The following SLC4A4 variants were observed in gnomAD, a reference collection of about 807,000 sequenced individuals.
SLC4A4 encodes solute carrier family 4 member 4, also known as electrogenic sodium bicarbonate cotransporter 1.
SLC4A4 carries 27 observed loss-of-function variants against 111.5 expected under a neutral mutation model. The observed-to-expected ratio is 0.24, with a 90% CI of 0.18 to 0.33. SLC4A4 has a LOEUF of 0.33. Ranked by LOEUF, SLC4A4 falls within the 10% of genes least tolerant of loss-of-function variation. The pLI is 1.00. For synonymous variants in SLC4A4, 443 were observed against 463.4 expected (o/e 0.96, Z 0.57); for missense variants, 909 against 1,315.5 (o/e 0.69, Z 4.78).
intron 2 of SLC4A4, among the ~76,000 whole-genome samples, chr4:71,175,577 A>T (rs960528970): frequency 4.6e-5 from 7 of 152,234 alleles, no homozygotes; most frequent in African/African-American, 1.7e-4. Context: ...AGCCTCGCTC[A>T]TTGCTAGCAC....
chr4:71,392,864 G>A lies in SLC4A4; in HGVS notation c.731-4713G>A, dbSNP rs544704956. On this transcript the variant is annotated intron_variant, in intron 6 of 25. Coordinates refer to ENST00000264485, the MANE Select transcript of SLC4A4 (RefSeq NM_001098484.3). ...GGGATGCAGGGATGGTTTAACATAT[G>A]TAAGTCAATAAATGTGATACAGCAT... is the stretch of plus-strand genomic sequence containing the variant. Among the ~76,000 whole-genome samples the A allele has an allele frequency of 5.9e-5, 9 of 152,092 alleles. No homozygotes were observed. In the South Asian group the frequency reaches 1.7e-3, roughly 28 times the overall value.
At chr4:71,419,568 G>T (rs1432685976) in intron 7 of SLC4A4, among the ~76,000 whole-genome samples, 1 of 152,220 alleles carries the variant, frequency 6.6e-6, no homozygotes, top group South Asian at 2.1e-4. Flanking sequence ...ATTTGAGTGG[G>T]AGTGACCCGA....
chr4:71,339,100 G>A, intron 3 of SLC4A4: 1 of 1,600,274 alleles, frequency 6.2e-7, no homozygotes, highest in South Asian at 1.1e-5. Flanking sequence ...AGGGCTAAAG[G>A]TTCTTTGTGA....
rs551476437 is a variant in SLC4A4 at position 71,215,947 on chromosome 4, C to T, written c.-1-20629C>T. On this transcript the variant is annotated intron_variant, in intron 1 of 25. Transcript: ENST00000264485. ...TGAGATGGAGTCTTGCTCTGTCGCC[C>T]AGGCTGGAGTGCAGTGGCGTGATCT... Among the ~76,000 whole-genome samples the T allele has an allele frequency of 2.6e-4, 39 of 149,888 alleles. 1 individual carries two copies. Among genetic ancestry groups the T allele is most frequent in the African/African-American group, 7.9e-4 (32 of 40,502 alleles).
At chr4:71,230,075 G>GA (rs33930960) in intron 1 of SLC4A4, among the ~76,000 whole-genome samples, 5 of 151,780 alleles carry the variant, frequency 3.3e-5, no homozygotes, top group East Asian at 1.9e-4. Context: ...TTAGAATCAT[G>GA]AAAAAAAAAT....
chr4:71,174,705 A>G (rs943210977), intron 2 of SLC4A4, among the ~76,000 whole-genome samples: 2 of 152,230 alleles, frequency 1.3e-5, no homozygotes, highest in African/African-American at 4.8e-5. Context: ...ATTTAAAAGT[A>G]AAACAACATT....
chr4:71,527,803 C>T (rs1376688924), intron 16 of SLC4A4, among the ~76,000 whole-genome samples: 1 of 151,596 alleles, frequency 6.6e-6, no homozygotes, highest in Non-Finnish European at 1.5e-5. Flanking sequence ...ATAGATAATT[C>T]TGGAATTTGG....
intron 18 of SLC4A4, among the ~76,000 whole-genome samples, chr4:71,537,477 G>A (rs1734658488): frequency 6.6e-6 from 1 of 150,430 alleles, no homozygotes; most frequent in Non-Finnish European, 1.5e-5. Context: ...AGAGAGAGAA[G>A]CCCAAGACTA....
At chr4:71,156,949 A>C (rs1744494421) in intron 2 of SLC4A4, among the ~76,000 whole-genome samples, 1 of 152,128 alleles carries the variant, frequency 6.6e-6, no homozygotes, top group South Asian at 2.1e-4. Flanking sequence ...AGTTATTCTA[A>C]ATTGAGATTC....
At chr4:71,249,641 C>T (rs1383364334) in intron 2 of SLC4A4, among the ~76,000 whole-genome samples, 1 of 152,142 alleles carries the variant, frequency 6.6e-6, no homozygotes, top group Non-Finnish European at 1.5e-5. Context: ...GTAATCCTAG[C>T]ACTTTGGGAG....
chr4:71,530,022 A>G (rs1733773898), intron 16 of SLC4A4, among the ~76,000 whole-genome samples: 1 of 152,114 alleles, frequency 6.6e-6, no homozygotes, highest in Admixed American at 6.6e-5. Context: ...CTTGCACAAA[A>G]CTTAATAAAT....
At chr4:71,374,448 G>A (rs990974545) in intron 6 of SLC4A4, among the ~76,000 whole-genome samples, 3 of 152,196 alleles carry the variant, frequency 2.0e-5, no homozygotes, top group East Asian at 1.9e-4. Context: ...TTTAGTTAAC[G>A]TAAGACATTC....
At chr4:71,445,207 T>TA (rs1725114357) in intron 8 of SLC4A4, among the ~76,000 whole-genome samples, 1 of 152,146 alleles carries the variant, frequency 6.6e-6, no homozygotes, top group African/African-American at 2.4e-5. Flanking sequence ...TTATAGAAAA[T>TA]GTCTGTCCTC....
intron 3 of SLC4A4, among the ~76,000 whole-genome samples, chr4:71,288,145 T>C (rs1578758930): frequency 1.3e-5 from 2 of 152,304 alleles, no homozygotes; most frequent in Non-Finnish European, 1.5e-5. Flanking sequence ...TCTGGTAGTC[T>C]AGGGGAGGCT....
At chr4:71,094,244 A>G (rs946780079) in intron 2 of SLC4A4, among the ~76,000 whole-genome samples, 16 of 152,200 alleles carry the variant, frequency 1.1e-4, no homozygotes, top group African/African-American at 3.9e-4. Flanking sequence ...TTGTTTCATC[A>G]GGGTGTCTTG....
intron 1 of SLC4A4, among the ~76,000 whole-genome samples, chr4:71,197,869 T>C (rs1004292677): frequency 6.6e-6 from 1 of 152,198 alleles, no homozygotes; most frequent in African/African-American, 2.4e-5. Flanking sequence ...TTTGGGGGGT[T>C]GTGGGTTTCC....
At chr4:71,151,608 T>A (rs965723206) in intron 2 of SLC4A4, among the ~76,000 whole-genome samples, 13 of 152,066 alleles carry the variant, frequency 8.5e-5, no homozygotes, top group African/African-American at 3.1e-4. Flanking sequence ...TATTCTTGTG[T>A]ATATTTTTAT....
intron 15 of SLC4A4, among the ~76,000 whole-genome samples, chr4:71,494,372 G>C (rs573388473): frequency 2.6e-5 from 4 of 151,854 alleles, no homozygotes; most frequent in Non-Finnish European, 5.9e-5. Flanking sequence ...GGCATATAGC[G>C]GCACAATCAT....
chr4:71,183,464 G>T, upstream of SLC4A4, among the ~76,000 whole-genome samples: 1 of 152,196 alleles, frequency 6.6e-6, no homozygotes, highest in East Asian at 1.9e-4. Flanking sequence ...GGAAGAGAAT[G>T]TTAATTATAA....
Sources: allele counts gnomAD v4.1 joint callset (sites outside exome capture counted in the v4.1 genomes callset), GRCh38; gene constraint gnomAD v4.1.1; transcripts MANE v1.5; gene names NCBI Gene and HGNC (gene_info 2026-07-23, HGNC 2026-07-21).